Variants in SNTG1 observed in about 807,000 individuals in gnomAD.
The protein encoded by SNTG1 is syntrophin gamma 1.
A neutral mutation model predicts 74.7 loss-of-function variants in SNTG1; 39 were observed. The observed-to-expected ratio is 0.52, with a 90% CI of 0.40 to 0.68. The LOEUF is 0.68. Ranked by LOEUF, SNTG1 falls within the 30% of genes least tolerant of loss-of-function variation. The pLI, the probability that SNTG1 is intolerant of heterozygous loss-of-function variation, is 0.00. For synonymous variants in SNTG1, 254 were observed against 217.1 expected (o/e 1.17, Z -1.49); for missense variants, 685 against 609.5 (o/e 1.12, Z -1.30).
intron 2 of SNTG1, among the ~76,000 whole-genome samples, chr8:50,222,728 A>G (rs151252309): frequency 0.014 from 2,100 of 152,200 alleles, 24 homozygotes; most frequent in Non-Finnish European, 0.023. Context: ...ATGCAGACAG[A>G]CCCTCAGCGG....
intron 18 of SNTG1, among the ~76,000 whole-genome samples, chr8:50,755,837 G>C (rs937370967): frequency 6.6e-6 from 1 of 151,734 alleles, no homozygotes; most frequent in African/African-American, 2.4e-5. Context: ...GTTTTAATTT[G>C]TATTTATCTG....
intron 18 of SNTG1, among the ~76,000 whole-genome samples, chr8:50,784,151 G>A (rs2095667988): frequency 6.6e-6 from 1 of 152,124 alleles, no homozygotes; most frequent in African/African-American, 2.4e-5. Context: ...GCCCTGAGTA[G>A]GGTGGGTGGA....
intron 15 of SNTG1, among the ~76,000 whole-genome samples, chr8:50,668,416 GT>G (rs1055666317): frequency 1.4e-5 from 2 of 147,264 alleles, no homozygotes; most frequent in Non-Finnish European, 3.0e-5. Flanking sequence ...TTCTTGTTTT[GT>G]TTTTTTTTCC....
At chr8:50,545,081 A>G (rs998747646) in intron 11 of SNTG1, among the ~76,000 whole-genome samples, 13 of 151,998 alleles carry the variant, frequency 8.6e-5, no homozygotes, top group African/African-American at 2.2e-4. Flanking sequence ...AATAAAGAAA[A>G]TTATTTAGCT....
chr8:50,708,798 G>A, intron 16 of SNTG1, 88 bp from the exon 17 acceptor site: 1 of 749,478 alleles, frequency 1.3e-6, no homozygotes. Context: ...ATTGTATGAA[G>A]TACTTATTGC....
At chr8:50,202,557 A>G (rs2084028443) in intron 2 of SNTG1, among the ~76,000 whole-genome samples, 2 of 152,070 alleles carry the variant, frequency 1.3e-5, no homozygotes, top group African/African-American at 2.4e-5. Flanking sequence ...ATACTGTTCT[A>G]TTGCACAGAT....
chr8:49,963,579 C>T (rs1810884542), intron 1 of SNTG1, among the ~76,000 whole-genome samples: 1 of 152,112 alleles, frequency 6.6e-6, no homozygotes, highest in Non-Finnish European at 1.5e-5. Flanking sequence ...AGAAAACTTT[C>T]CTGATCAAGC....
At position 50,747,618 on chromosome 8, in the gene SNTG1, C is replaced by T. The variant is rs1212759592; in HGVS notation, c.1285-4383C>T. On this transcript the variant is annotated intron_variant, in intron 17 of 18. Transcript: ENST00000642720. ...TCTCCATGTCGAATTTTCCTTTTACCTCTGTTACTTTAATTCTTAAATTTT... is the reference window on the plus strand; with the variant it reads ...TCTCCATGTCGAATTTTCCTTTTACTTCTGTTACTTTAATTCTTAAATTTT... Among the ~76,000 whole-genome samples, 4 of 151,770 alleles carry T rather than the reference C, an allele frequency of 2.6e-5. No homozygotes were observed. In the East Asian group the frequency reaches 5.8e-4, roughly 22 times the overall value.
At chr8:50,591,559 C>T (rs1194855956) in intron 13 of SNTG1, among the ~76,000 whole-genome samples, 1 of 152,182 alleles carries the variant, frequency 6.6e-6, no homozygotes, top group Non-Finnish European at 1.5e-5. Flanking sequence ...GGGCGACTAT[C>T]CTGTAAGTTT....
At chr8:50,558,038 C>G (rs931166) in intron 12 of SNTG1, among the ~76,000 whole-genome samples, 124,324 of 152,142 alleles carry the variant, frequency 0.82, 51,021 homozygotes, top group East Asian at 0.93. Context: ...TTGGTCTTCT[C>G]TCCAGAAATC....
chr8:50,624,427 G>A (rs1409864509), intron 13 of SNTG1, among the ~76,000 whole-genome samples: 2 of 151,874 alleles, frequency 1.3e-5, no homozygotes, highest in Non-Finnish European at 2.9e-5. Flanking sequence ...AGAATTTCTG[G>A]TTGTTATTGG....
intron 2 of SNTG1, among the ~76,000 whole-genome samples, chr8:50,319,385 C>A (rs201917739): frequency 7.7e-6 from 1 of 129,214 alleles, no homozygotes; most frequent in Non-Finnish European, 1.8e-5. Context: ...AATAAATAAA[C>A]AAAAAGGAAT....
intron 1 of SNTG1, among the ~76,000 whole-genome samples, chr8:49,994,237 G>A (rs1377958118): frequency 6.8e-6 from 1 of 147,016 alleles, no homozygotes. Flanking sequence ...TAATATTCAA[G>A]ATTATTATTT....
intron 1 of SNTG1, among the ~76,000 whole-genome samples, chr8:49,947,778 A>G (rs1460559983): frequency 2.0e-5 from 3 of 152,202 alleles, no homozygotes; most frequent in African/African-American, 7.2e-5. Flanking sequence ...GCTCAAAGAT[A>G]CTTAAACATC....
chr8:50,625,847 T>C (rs937994019), intron 13 of SNTG1, among the ~76,000 whole-genome samples: 2 of 152,184 alleles, frequency 1.3e-5, no homozygotes, highest in Non-Finnish European at 2.9e-5. Context: ...TTCTGATATA[T>C]GTAGATATGA....
chr8:50,226,581 T>A (rs2085340834), intron 2 of SNTG1, among the ~76,000 whole-genome samples: 1 of 152,180 alleles, frequency 6.6e-6, no homozygotes, highest in South Asian at 2.1e-4. Context: ...CCTGAACATT[T>A]CCTTTCTATC....
chr8:50,103,761 T>C (rs997791381), intron 1 of SNTG1, among the ~76,000 whole-genome samples: 2 of 152,238 alleles, frequency 1.3e-5, no homozygotes, highest in Non-Finnish European at 2.9e-5. Context: ...TTGAGAGTTT[T>C]TAGCATGAAG....
intron 1 of SNTG1, among the ~76,000 whole-genome samples, chr8:50,071,227 C>T (rs1821335961): frequency 1.3e-5 from 2 of 152,124 alleles, no homozygotes; most frequent in South Asian, 4.1e-4. Flanking sequence ...GAGACAGAGT[C>T]TTGCTCTGTC....
chr8:50,189,388 C>A (rs935585357), intron 2 of SNTG1, among the ~76,000 whole-genome samples: 1 of 151,910 alleles, frequency 6.6e-6, no homozygotes, highest in Non-Finnish European at 1.5e-5. Flanking sequence ...GGCCCTAACC[C>A]CAGAGTTTCT....
Sources: allele counts gnomAD v4.1 joint callset (sites outside exome capture counted in the v4.1 genomes callset), GRCh38; gene constraint gnomAD v4.1.1; transcripts MANE v1.5; gene names NCBI Gene and HGNC (gene_info 2026-07-23, HGNC 2026-07-21).